The following ZNF385B variants were observed in gnomAD, a reference collection of about 807,000 sequenced individuals.
ZNF385B encodes the protein zinc finger protein 385B.
Under a neutral mutation model 39.2 loss-of-function variants are expected in ZNF385B, and 23 were observed. That is an observed-to-expected ratio of 0.59 (90% CI 0.42 to 0.83). The LOEUF is 0.83. Ranked by LOEUF, ZNF385B falls within the 40% of genes least tolerant of loss-of-function variation. ZNF385B has a pLI of 0.00. For synonymous variants in ZNF385B, 205 were observed against 222.6 expected, an observed-to-expected ratio of 0.92 and a Z score of 0.70; for missense variants, 552 against 598.9, an observed-to-expected ratio of 0.92 and a Z score of 0.82.
At position 179,757,782 on chromosome 2, in the gene ZNF385B, T is replaced by C. The variant is rs370587286; in HGVS notation, c.298+11721A>G. On this transcript the variant is annotated intron_variant, in intron 3 of 9. Coordinates refer to ENST00000410066, the MANE Select transcript of ZNF385B (RefSeq NM_152520.6). ...AAGCCAGGTGCGGGATATAATCTCC[T>C]GGTGTGCCGTTTGCTAAGACTGTTG... Among the ~76,000 whole-genome samples, 3 of 152,212 alleles carry C rather than the reference T, an allele frequency of 2.0e-5. No homozygotes were observed. The East Asian group carries it at 5.8e-4, about 29-fold the overall frequency.
At chr2:179,847,862 T>C (rs1033837849) in intron 1 of ZNF385B, among the ~76,000 whole-genome samples, 1 of 152,236 alleles carries the variant, frequency 6.6e-6, no homozygotes, top group Non-Finnish European at 1.5e-5. Context: ...CATATGCTGT[T>C]ATTTGTTATA....
rs74714148 is a variant in ZNF385B at position 179,642,914 on chromosome 2, C to T, written c.299-97945G>A. On this transcript the variant is annotated intron_variant, in intron 3 of 9. Transcript: ENST00000410066. ...GGAAAGTATGCACTAAGTATCTCTG[C>T]TGTGTATCATGCGGAAGTATCATGA... Among the ~76,000 whole-genome samples, 955 of 152,242 alleles carry T rather than the reference C, an allele frequency of 6.3e-3. 14 individuals carry two copies. The highest frequency in any genetic ancestry group is 0.021 in the African/African-American group (879 of 41,554).
rs1231426275 is a variant in ZNF385B, at chr2:179,581,397, T to G, written c.299-36428A>C. On this transcript the variant is annotated intron_variant, in intron 3 of 9. Coordinates refer to ENST00000410066, the MANE Select transcript of ZNF385B (RefSeq NM_152520.6). ...TCCTCAGGCTGAATAGAAGATCTTA[T>G]TTTTTGTAAAGCTGTGTTTTAATTT... 4.6e-5 allele frequency among the ~76,000 whole-genome samples: 7 copies of G among 152,214 alleles called. 1 individual carries two copies. Among genetic ancestry groups the G allele is most frequent in the Non-Finnish European group, 8.8e-5 (6 of 68,034 alleles).
At chr2:179,667,664 G>A (rs1362001230) in intron 3 of ZNF385B, among the ~76,000 whole-genome samples, 3 of 152,300 alleles carry the variant, frequency 2.0e-5, no homozygotes, top group East Asian at 3.9e-4. Context: ...AGTAAATGCT[G>A]GAAAGTGCCA....
At chr2:179,605,008 T>C (rs1688685966) in intron 3 of ZNF385B, among the ~76,000 whole-genome samples, 2 of 152,138 alleles carry the variant, frequency 1.3e-5, no homozygotes, top group South Asian at 4.1e-4. Context: ...TGTTTCTGGC[T>C]CCTTATTTAT....
intron 3 of ZNF385B, among the ~76,000 whole-genome samples, chr2:179,650,139 T>C (rs537138955): frequency 6.6e-6 from 1 of 152,238 alleles, no homozygotes; most frequent in Admixed American, 6.5e-5. Context: ...TTCAACATTT[T>C]TGAAGCACCT....
At chr2:179,850,219 T>C (rs925566127) in intron 1 of ZNF385B, among the ~76,000 whole-genome samples, 1 of 152,164 alleles carries the variant, frequency 6.6e-6, no homozygotes, top group Admixed American at 6.5e-5. Flanking sequence ...CCCTCTCCCC[T>C]AAAGTCACTC....
At chr2:179,568,684 G>T (rs1017770639) in intron 3 of ZNF385B, among the ~76,000 whole-genome samples, 6 of 152,180 alleles carry the variant, frequency 3.9e-5, no homozygotes, top group African/African-American at 1.4e-4. Context: ...GTGTGTGTGA[G>T]AAATGGTATT....
chr2:179,637,863 A>C (rs1187724982), intron 3 of ZNF385B, among the ~76,000 whole-genome samples: 1 of 152,232 alleles, frequency 6.6e-6, no homozygotes. Context: ...ATAATAATTA[A>C]AATCTTTGTT....
chr2:179,578,745 C>T (rs1331098931), intron 3 of ZNF385B, among the ~76,000 whole-genome samples: 1 of 152,000 alleles, frequency 6.6e-6, no homozygotes, highest in Non-Finnish European at 1.5e-5. Context: ...GTCACAGTGG[C>T]CCTTCACTGT....
At chr2:179,762,020 T>C (rs1437051237) in intron 3 of ZNF385B, among the ~76,000 whole-genome samples, 1 of 152,148 alleles carries the variant, frequency 6.6e-6, no homozygotes, top group Non-Finnish European at 1.5e-5. Flanking sequence ...CCATTAAGTA[T>C]GATGTTACCT....
intron 6 of ZNF385B, among the ~76,000 whole-genome samples, chr2:179,471,376 TCAAACTGGGCTCTGTGGACTTC>T (rs2052758865): frequency 6.6e-6 from 1 of 152,214 alleles, no homozygotes; most frequent in South Asian, 2.1e-4. Flanking sequence ...ACAGGAGTTT[TCAAACTGGGCTCTGTGGACTTC>T]CAAGAGGCCC....
At chr2:179,836,909 C>A in intron 1 of ZNF385B, among the ~76,000 whole-genome samples, 1 of 152,172 alleles carries the variant, frequency 6.6e-6, no homozygotes, top group East Asian at 1.9e-4. Context: ...ATGAGGGAAT[C>A]CAATTGCTGC....
At chr2:179,638,498 G>A (rs1290562141) in intron 3 of ZNF385B, among the ~76,000 whole-genome samples, 1 of 152,124 alleles carries the variant, frequency 6.6e-6, no homozygotes, top group African/African-American at 2.4e-5. Context: ...TGATATTGTG[G>A]TGTACCAGGA....
intron 3 of ZNF385B, among the ~76,000 whole-genome samples, chr2:179,580,160 G>C (rs1383419344): frequency 6.6e-6 from 1 of 152,018 alleles, no homozygotes; most frequent in Non-Finnish European, 1.5e-5. Flanking sequence ...ATTACCATGA[G>C]GATTAAATAA....
chr2:179,557,548 CATAT>C (rs1319675831), intron 3 of ZNF385B, among the ~76,000 whole-genome samples: 8 of 113,624 alleles, frequency 7.0e-5, no homozygotes, highest in South Asian at 3.0e-4. Flanking sequence ...ATGTATATAA[CATAT>C]ATACATGTTA....
intron 5 of ZNF385B, among the ~76,000 whole-genome samples, chr2:179,502,822 AT>A (rs1465719726): frequency 6.6e-6 from 1 of 152,032 alleles, no homozygotes; most frequent in African/African-American, 2.4e-5. Context: ...AGTCCAATAG[AT>A]TTTACCTCCT....
intron 3 of ZNF385B, among the ~76,000 whole-genome samples, chr2:179,582,256 TA>T (rs1267842509): frequency 2.0e-5 from 3 of 152,200 alleles, no homozygotes. Flanking sequence ...CACAGGATTA[TA>T]AAAAGACTTT....
intron 3 of ZNF385B, among the ~76,000 whole-genome samples, chr2:179,691,433 T>C (rs1232026830): frequency 6.6e-6 from 1 of 152,222 alleles, no homozygotes; most frequent in African/African-American, 2.4e-5. Context: ...CATGCCACAA[T>C]ATTTTAACCA....
Sources: gnomAD v4.1 joint callset for allele counts (sites outside exome capture counted in the v4.1 genomes callset) on GRCh38, gnomAD v4.1.1 for gene constraint, MANE v1.5 for transcripts, NCBI Gene and HGNC (gene_info 2026-07-23, HGNC 2026-07-21) for gene names.